Variants in TMC2 observed in about 807,000 individuals in gnomAD.
TMC2 encodes transmembrane channel-like protein 2.
In TMC2, 102 loss-of-function variants were observed where a neutral mutation model predicts 105.9. That is an observed-to-expected ratio of 0.96 (90% CI 0.82 to 1.14). TMC2 has a LOEUF of 1.14. Among genes scored for constraint, TMC2 ranks in the 50% most tolerant of loss-of-function variants. The pLI is 0.00. For missense variants in TMC2, 1,093 were observed against 1,134.3 expected (o/e 0.96, Z 0.52); for synonymous variants, 402 against 422.8 (o/e 0.95, Z 0.60).
intron 11 of TMC2, among the ~76,000 whole-genome samples, chr20:2,606,250 G>GTATTTATT (rs764483887): frequency 6.6e-6 from 1 of 152,028 alleles, no homozygotes. Flanking sequence ...GGTACACAGT[G>GTATTTATT]TATTTATTTA....
intron 10 of TMC2, among the ~76,000 whole-genome samples, chr20:2,600,666 C>CA (rs1182858397): frequency 1.3e-5 from 2 of 151,706 alleles, no homozygotes; most frequent in East Asian, 1.9e-4. Flanking sequence ...ACTAAAAATA[C>CA]AAAAAAAATT....
chr20:2,562,097 A>G (rs1018755314), intron 4 of TMC2, 87 bp downstream of exon 4: 2 of 1,480,114 alleles, frequency 1.4e-6, no homozygotes, highest in Non-Finnish European at 1.8e-6. Context: ...CATTTCCCCA[A>G]AGGGGCTTGA....
At chr20:2,536,996 G>A (rs769216739) in intron 1 of TMC2, among the ~76,000 whole-genome samples, 1 of 152,162 alleles carries the variant, frequency 6.6e-6, no homozygotes, top group Non-Finnish European at 1.5e-5. Context: ...CTCGGTTAGG[G>A]TTGCCTGTTC....
At chr20:2,594,119 C>T (rs757897699) in intron 8 of TMC2, among the ~76,000 whole-genome samples, 8 of 152,094 alleles carry the variant, frequency 5.3e-5, no homozygotes, top group South Asian at 2.1e-4. Context: ...GTGCTGCCCA[C>T]AGCAAGTCAT....
intron 7 of TMC2, among the ~76,000 whole-genome samples, chr20:2,591,444 C>A (rs2086267418): frequency 6.6e-6 from 1 of 152,156 alleles, no homozygotes; most frequent in South Asian, 2.1e-4. Context: ...GTGGCTCATG[C>A]CTGTAATCCC....
intron 4 of TMC2, among the ~76,000 whole-genome samples, chr20:2,569,253 G>T (rs1416197160): frequency 1.3e-5 from 2 of 152,112 alleles, no homozygotes; most frequent in Non-Finnish European, 2.9e-5. Context: ...GTTCTCAAAG[G>T]CTGTCCTCAC....
chr20:2,584,368 C>T (rs1391987780), intron 7 of TMC2, among the ~76,000 whole-genome samples: 1 of 140,930 alleles, frequency 7.1e-6, no homozygotes, highest in African/African-American at 3.0e-5. Flanking sequence ...GGCGTGAACC[C>T]GGGAGGCGGA....
chr20:2,613,145 G>A (rs1372318519), intron 13 of TMC2, 49 bp from the exon 14 acceptor site: 1 of 1,583,724 alleles, frequency 6.3e-7, no homozygotes, highest in East Asian at 2.2e-5. Context: ...GAGGGTGGGA[G>A]AAGTGGGCAA....
intron 3 of TMC2, among the ~76,000 whole-genome samples, chr20:2,559,059 TGGCGGGGCGCGGG>T (rs1479823771): frequency 3.4e-4 from 52 of 151,764 alleles, no homozygotes; most frequent in South Asian, 1.9e-3. Flanking sequence ...GGTGGAGAGG[TGGCGGGGCGCGGG>T]TGGAGAGGTG....
intron 9 of TMC2, 45 bp downstream of exon 9, chr20:2,595,012 A>G: frequency 6.3e-7 from 1 of 1,592,800 alleles, no homozygotes; most frequent in Non-Finnish European, 8.6e-7. Context: ...TCACAGCCAC[A>G]GCTCACTCCC....
chr20:2,577,625 C>T (rs2086156330), intron 5 of TMC2, among the ~76,000 whole-genome samples: 1 of 148,780 alleles, frequency 6.7e-6, no homozygotes. Context: ...CAAAATTTTT[C>T]CCGTTTTGAT....
At chr20:2,600,551 G>C (rs925070889) in intron 10 of TMC2, among the ~76,000 whole-genome samples, 11 of 152,002 alleles carry the variant, frequency 7.2e-5, no homozygotes, top group African/African-American at 2.7e-4. Flanking sequence ...GGCTGGGTGT[G>C]GTGGCTCACG....
At chr20:2,564,868 G>A (rs973776887) in intron 4 of TMC2, among the ~76,000 whole-genome samples, 5 of 152,254 alleles carry the variant, frequency 3.3e-5, no homozygotes, top group Admixed American at 2.6e-4. Context: ...TCTCTTCCTA[G>A]CTTCTTCCCT....
Position 2,641,416 on chromosome 20 carries a change from C to A in TMC2, c.*65C>A. 1 of 1,031,344 alleles carries A rather than the reference C, an allele frequency of 9.7e-7. No homozygotes were observed. The highest frequency in any genetic ancestry group is 1.5e-6 in the Non-Finnish European group (1 of 683,136). The allele number at this position is 1,031,344 out of a possible 1,614,324, so 63.9% of individuals were successfully genotyped here. On this transcript the variant is annotated 3_prime_UTR_variant, in exon 20 of 20. Transcript: ENST00000358864. ...CTCAAGTACCCCAGTTTCACACATA[C>A]CAAACCAAGGTTCTCTCCCCTCTTT...
Position 2,558,758 on chromosome 20 carries a change from C to G in TMC2, c.385C>G (p.Arg129Gly). Residue 129 changes from arginine to glycine, a missense_variant, in exon 3 of 20, where the codon CGG (arginine) becomes GGG (glycine). Arg to Gly is a moderately radical substitution (Grantham distance 125). Transcript: ENST00000358864. This position sits in a 1 kb window ranked among gnomAD's most constrained non-coding sequence, Gnocchi z 4.6. ...EIPRREEKSK[R>G]QKKPRSSSLA... is the part of the protein sequence containing the mutation. ...TCCGAGGAGGGAGGAGAAGTCGAAG[C>G]GGCAGAAGAAACCCAGGTGTGTTGT... 6.4e-7 allele frequency: 1 copy of G among 1,553,346 alleles called. No individual in the cohort carries two copies. The highest frequency in any genetic ancestry group is 8.7e-7 in the Non-Finnish European group (1 of 1,151,998).
At chr20:2,622,818 C>T (rs1011106157) in intron 16 of TMC2, among the ~76,000 whole-genome samples, 7 of 152,070 alleles carry the variant, frequency 4.6e-5, no homozygotes, top group African/African-American at 1.4e-4. Flanking sequence ...TTTTGAAGGG[C>T]GCTTATAACT....
At chr20:2,587,197 A>G (rs2086237403) in intron 7 of TMC2, among the ~76,000 whole-genome samples, 1 of 152,274 alleles carries the variant, frequency 6.6e-6, no homozygotes, top group South Asian at 2.1e-4. Flanking sequence ...AGTGAGATCA[A>G]TTAAATCTCC....
chr20:2,620,548 T>A (rs1347179758), intron 16 of TMC2, among the ~76,000 whole-genome samples: 3 of 152,188 alleles, frequency 2.0e-5, no homozygotes, highest in African/African-American at 4.8e-5. Flanking sequence ...TCTCATGACA[T>A]ACATGAAAAA....
intron 18 of TMC2, among the ~76,000 whole-genome samples, 153 bp downstream of exon 18, chr20:2,636,157 G>A (rs939807683): frequency 6.6e-6 from 1 of 152,114 alleles, no homozygotes; most frequent in Admixed American, 6.6e-5. Flanking sequence ...AGCCTTGTGA[G>A]ATTCAACAGC....
Sources: gnomAD v4.1 joint callset for allele counts (sites outside exome capture counted in the v4.1 genomes callset) on GRCh38, gnomAD v4.1.1 for gene constraint, Gnocchi (gnomAD v3.1) non-coding constraint, MANE v1.5 for transcripts, NCBI Gene and HGNC (gene_info 2026-07-23, HGNC 2026-07-21) for gene names.